VAV2: variants seen among roughly 807,000 people sequenced by gnomAD.
VAV2 encodes the protein guanine nucleotide exchange factor VAV2.
VAV2 carries 67 observed loss-of-function variants against 132.5 expected under a neutral mutation model. The ratio of observed to expected loss-of-function variants is 0.51; its 90% CI spans 0.42 to 0.62. The LOEUF (loss-of-function observed/expected upper bound fraction) is 0.62. Ranked by LOEUF, VAV2 falls within the 20% of genes least tolerant of loss-of-function variation. VAV2 has a pLI of 0.00. For missense variants in VAV2, 938 were observed against 1,153.6 expected (o/e 0.81, Z 2.71); for synonymous variants, 492 against 443.5 (o/e 1.11, Z -1.37).
At chr9:133,772,137 G>T in intron 25 of VAV2, 91 bp from the exon 26 acceptor site, 1 of 687,320 alleles carries the variant, frequency 1.5e-6, no homozygotes, top group Non-Finnish European at 2.2e-6. Flanking sequence ...GTTTGCTGCA[G>T]CAAAGCCCCT....
At chr9:133,784,534 G>A in intron 17 of VAV2, 116 bp from the exon 18 acceptor site, 1 of 1,117,618 alleles carries the variant, frequency 8.9e-7, no homozygotes, top group Non-Finnish European at 1.4e-6. Flanking sequence ...ATCCGAGAGG[G>A]CCTGGACTCC....
In VAV2 at chr9:133,769,414, T is replaced by C. The variant is rs765423369; in HGVS notation, c.2434+3A>G. 6.2e-7 allele frequency: 1 copy of C among 1,610,216 alleles called. No individual in the cohort carries two copies. The highest frequency in any genetic ancestry group is 2.2e-5 in the East Asian group (1 of 44,780). On this transcript the variant is annotated splice_donor_region_variant and intron_variant, in intron 28 of 29. Coordinates refer to ENST00000371850, the MANE Select transcript of VAV2 (RefSeq NM_001134398.2). The surrounding 1 kb of genome is among the most constrained non-coding windows in gnomAD (Gnocchi z 8.1). ...CCCCCCACGCCCTGGGGAGCAGCGGTACCTGACCAGAAGGGAGCGGAGGGG... is the reference window on the plus strand; with the variant it reads ...CCCCCCACGCCCTGGGGAGCAGCGGCACCTGACCAGAAGGGAGCGGAGGGG...
intron 2 of VAV2, among the ~76,000 whole-genome samples, chr9:133,917,845 G>C (rs185803319): frequency 6.6e-6 from 1 of 152,120 alleles, no homozygotes; most frequent in Non-Finnish European, 1.5e-5. Context: ...ACACCCTCCC[G>C]AGGGAGACCA....
chr9:133,892,781 G>A lies in VAV2; in HGVS notation c.322-31349C>T, dbSNP rs563539696. 5.9e-5 allele frequency among the ~76,000 whole-genome samples: 9 copies of A among 152,298 alleles called. No homozygotes were observed. The East Asian group carries it at 7.7e-4, about 13-fold the overall frequency. On this transcript the variant is annotated intron_variant, in intron 2 of 29. Transcript: ENST00000371850. Reference sequence around the variant, plus strand: ...GAGATGCAAGAGGAGGGGCGAATCCGGGCCAGGCTTCAGCTCAGAGGCCAT... The same window carrying A: ...GAGATGCAAGAGGAGGGGCGAATCCAGGCCAGGCTTCAGCTCAGAGGCCAT...
rs1296295074 is a variant in VAV2, at chr9:133,969,034, G to T, written c.204+23041C>A. Among the ~76,000 whole-genome samples the T allele has an allele frequency of 2.0e-5, 3 of 152,136 alleles. No homozygotes were observed. Among genetic ancestry groups the T allele is most frequent in the Admixed American group, 6.5e-5 (1 of 15,276 alleles). On this transcript the variant is annotated intron_variant, in intron 1 of 29. Coordinates refer to ENST00000371850, the MANE Select transcript of VAV2 (RefSeq NM_001134398.2). The surrounding 1 kb of genome is among the most constrained non-coding windows in gnomAD (Gnocchi z 5.1). Reference sequence around the variant, plus strand: ...ACAGGCAAAAACCACTTAAAAATAAGAGACAACTGTTTTGGGTTTTGAGGC... The same window carrying T: ...ACAGGCAAAAACCACTTAAAAATAATAGACAACTGTTTTGGGTTTTGAGGC...
chr9:133,973,636 C>T (rs528526516), intron 1 of VAV2, among the ~76,000 whole-genome samples: 1 of 152,218 alleles, frequency 6.6e-6, no homozygotes, highest in Non-Finnish European at 1.5e-5. Context: ...CAAAATAACA[C>T]GACACTCTCC....
chr9:133,955,957 C>A (rs1023071436), intron 1 of VAV2, among the ~76,000 whole-genome samples: 1 of 150,720 alleles, frequency 6.6e-6, no homozygotes, highest in Non-Finnish European at 1.5e-5. Context: ...GCCCCCGCTC[C>A]GGGGAGCTCT....
At chr9:133,902,840 G>A (rs974228269) in intron 2 of VAV2, among the ~76,000 whole-genome samples, 2 of 152,138 alleles carry the variant, frequency 1.3e-5, no homozygotes, top group Non-Finnish European at 2.9e-5. Flanking sequence ...GGGAGGCCAA[G>A]ACAGGTGGAT....
At chr9:133,960,928 T>A (rs372805088) in intron 1 of VAV2, among the ~76,000 whole-genome samples, 3 of 152,234 alleles carry the variant, frequency 2.0e-5, no homozygotes, top group East Asian at 1.9e-4. Context: ...CGAGCCGGCC[T>A]TGGAGAAGCC....
At chr9:133,981,309 C>A (rs1242440870) in intron 1 of VAV2, among the ~76,000 whole-genome samples, 1 of 152,262 alleles carries the variant, frequency 6.6e-6, no homozygotes, top group African/African-American at 2.4e-5. Flanking sequence ...CCACACCCCC[C>A]ACTATACCCG....
chr9:133,889,915 T>C (rs1213546932), intron 2 of VAV2, among the ~76,000 whole-genome samples: 1 of 152,178 alleles, frequency 6.6e-6, no homozygotes, highest in Non-Finnish European at 1.5e-5. Context: ...ATATTAGTGT[T>C]TCCCATGAAT....
At chr9:133,947,626 G>T (rs1357340470) in intron 1 of VAV2, among the ~76,000 whole-genome samples, 1 of 151,566 alleles carries the variant, frequency 6.6e-6, no homozygotes, top group African/African-American at 2.4e-5. Context: ...TTGAACTCGG[G>T]AGGTGGAGGT....
chr9:133,821,413 ACTGCAACC>A (rs1478948872), intron 4 of VAV2, among the ~76,000 whole-genome samples: 1 of 152,184 alleles, frequency 6.6e-6, no homozygotes, highest in East Asian at 1.9e-4. Context: ...TAGCTCTGTA[ACTGCAACC>A]AGGATAACCT....
chr9:133,842,491 G>T (rs1836765361), intron 3 of VAV2, among the ~76,000 whole-genome samples: 1 of 152,224 alleles, frequency 6.6e-6, no homozygotes, highest in African/African-American at 2.4e-5. Flanking sequence ...TACTGTCCGG[G>T]TTTGCCCAGG....
intron 22 of VAV2, 44 bp downstream of exon 22, chr9:133,778,718 G>A (rs756652566): frequency 1.2e-5 from 19 of 1,604,382 alleles, no homozygotes; most frequent in Non-Finnish European, 1.6e-5. Context: ...GCAGGGAGGA[G>A]CTGGAGCCGG....
At chr9:133,949,899 C>T (rs111899825) in intron 1 of VAV2, among the ~76,000 whole-genome samples, 1,686 of 152,284 alleles carry the variant, frequency 0.011, 30 homozygotes, top group African/African-American at 0.039. Flanking sequence ...AGGGGTTTCA[C>T]GCTCAGCTTT....
chr9:133,853,078 G>A (rs1159079372), intron 3 of VAV2, among the ~76,000 whole-genome samples: 5 of 152,152 alleles, frequency 3.3e-5, no homozygotes, highest in Non-Finnish European at 7.4e-5. Flanking sequence ...CTGGATTCCA[G>A]CCGCCAGCCA....
chr9:133,885,255 C>T lies in VAV2; in HGVS notation c.322-23823G>A, dbSNP rs887057881. On this transcript the variant is annotated intron_variant, in intron 2 of 29. Transcript: ENST00000371850. The surrounding 1 kb of genome is among the most constrained non-coding windows in gnomAD (Gnocchi z 5.0). Reference sequence around the variant, plus strand: ...CAGGGAAGGGCATGTATGCAGCCCCCGCGGCTGTCTACTTGGTCCATGTCC... The same window carrying T: ...CAGGGAAGGGCATGTATGCAGCCCCTGCGGCTGTCTACTTGGTCCATGTCC... Among the ~76,000 whole-genome samples the T allele has an allele frequency of 6.8e-4, 103 of 152,346 alleles. No individual in the cohort carries two copies. Among genetic ancestry groups the T allele is most frequent in the African/African-American group, 2.5e-3 (102 of 41,592 alleles).
chr9:133,898,861 T>C (rs1485805366), intron 2 of VAV2, among the ~76,000 whole-genome samples: 1 of 133,758 alleles, frequency 7.5e-6, no homozygotes, highest in Non-Finnish European at 1.5e-5. Context: ...TCTCGCTGTC[T>C]CCCAGGCTGG....
Sources: gnomAD v4.1 joint callset for allele counts (sites outside exome capture counted in the v4.1 genomes callset) on GRCh38, gnomAD v4.1.1 for gene constraint, Gnocchi (gnomAD v3.1) non-coding constraint, MANE v1.5 for transcripts, NCBI Gene and HGNC (gene_info 2026-07-23, HGNC 2026-07-21) for gene names.